EXT1: variants seen among roughly 807,000 people sequenced by gnomAD.
The protein encoded by EXT1 is exostosin-1.
In EXT1, 20 loss-of-function variants were observed where a neutral mutation model predicts 82.5. That is an observed-to-expected ratio of 0.24 (90% CI 0.17 to 0.35). EXT1 has a LOEUF of 0.35. Ranked by LOEUF, EXT1 falls within the 10% of genes least tolerant of loss-of-function variation. The probability of loss-of-function intolerance (pLI) is 1.00; values close to 1 mark genes in which losing one functional copy is unlikely to be tolerated. For synonymous variants in EXT1, 348 were observed against 350.8 expected (o/e 0.99, Z 0.09); for missense variants, 757 against 936.5 (o/e 0.81, Z 2.50).
intron 1 of EXT1, among the ~76,000 whole-genome samples, chr8:117,934,371 G>A (rs761096321): frequency 6.6e-6 from 1 of 152,204 alleles, no homozygotes; most frequent in South Asian, 2.1e-4. Flanking sequence ...GGAAGCAGGC[G>A]CAGTCCATGC....
intron 1 of EXT1, among the ~76,000 whole-genome samples, chr8:117,946,997 G>A (rs935531943): frequency 6.6e-6 from 1 of 152,106 alleles, no homozygotes; most frequent in East Asian, 1.9e-4. Context: ...TGGGTTACCC[G>A]AGCCAAGAAT....
chr8:117,943,999 C>G (rs1814337219), intron 1 of EXT1, among the ~76,000 whole-genome samples: 1 of 152,216 alleles, frequency 6.6e-6, no homozygotes, highest in Non-Finnish European at 1.5e-5. Context: ...TTTCAACTAC[C>G]TTTCTCAGAA....
In EXT1 at chr8:118,002,534, T is replaced by C. The variant is rs868823040; in HGVS notation, c.962+107551A>G. Among the ~76,000 whole-genome samples, 171 of 89,042 alleles carry C rather than the reference T, an allele frequency of 1.9e-3. 1 individual carries two copies. The highest frequency in any genetic ancestry group is 8.7e-3 in the African/African-American group (159 of 18,290). The allele number at this position is 89,042 out of a possible 152,430, so 58.4% of individuals were successfully genotyped here. Reference sequence around the variant, plus strand: ...AAACAGTGTGAATATTTTTCTTTTTTTTTTTTTTTTTTTTTGAGACAGAGT... The same window carrying C: ...AAACAGTGTGAATATTTTTCTTTTTCTTTTTTTTTTTTTTTGAGACAGAGT... On this transcript the variant is annotated intron_variant, in intron 1 of 10. Coordinates refer to ENST00000378204, the MANE Select transcript of EXT1 (RefSeq NM_000127.3).
rs996734233 is a variant in EXT1 at position 117,930,279 on chromosome 8, G to T, written c.963-93078C>A. Among the ~76,000 whole-genome samples, 18 of 152,242 alleles carry T rather than the reference G, an allele frequency of 1.2e-4. No individual in the cohort carries two copies. In the East Asian group the frequency reaches 3.5e-3, roughly 29 times the overall value. On this transcript the variant is annotated intron_variant, in intron 1 of 10. Coordinates refer to ENST00000378204, the MANE Select transcript of EXT1 (RefSeq NM_000127.3). ...AAGAGGAAGAAATGAAGTACCAAAT[G>T]AAATGTGGGGAGCGGAAGGGTGGAG...
chr8:117,814,547 A>G (rs1811762033), intron 7 of EXT1, among the ~76,000 whole-genome samples: 1 of 151,988 alleles, frequency 6.6e-6, no homozygotes, highest in Non-Finnish European at 1.5e-5. Flanking sequence ...CGGACCCAGG[A>G]TTTTCCCCCA....
Position 118,046,491 on chromosome 8 carries a change from G to C in EXT1, c.962+63594C>G, listed in dbSNP as rs1816625300. ...AGTCCTGGAGACCAGGAGGGCTCAA[G>C]CACTGGCCAGAGTTCTGTGGGTAGG... On this transcript the variant is annotated intron_variant, in intron 1 of 10. Coordinates refer to ENST00000378204, the MANE Select transcript of EXT1 (RefSeq NM_000127.3). Among the ~76,000 whole-genome samples the C allele has an allele frequency of 2.0e-5, 3 of 152,182 alleles. No homozygotes were observed. The South Asian group carries it at 6.2e-4, about 32-fold the overall frequency.
chr8:118,047,419 T>C (rs1816639806), intron 1 of EXT1, among the ~76,000 whole-genome samples: 1 of 152,134 alleles, frequency 6.6e-6, no homozygotes. Context: ...TAAATAAGGA[T>C]ACATCAAAGT....
intron 1 of EXT1, among the ~76,000 whole-genome samples, chr8:118,054,460 CT>C (rs1342521931): frequency 6.6e-6 from 1 of 152,238 alleles, no homozygotes; most frequent in Non-Finnish European, 1.5e-5. Context: ...CTCCTGGAAT[CT>C]GAACTTCCAG....
chr8:118,054,543 C>G (rs933341027), intron 1 of EXT1, among the ~76,000 whole-genome samples: 1 of 152,146 alleles, frequency 6.6e-6, no homozygotes, highest in South Asian at 2.1e-4. Flanking sequence ...TTTGGCCAAG[C>G]ATTTGATACA....
rs1350355119 is a variant in EXT1 at position 117,830,273 on chromosome 8, G to A, written c.1241C>T (p.Ala414Val). The change falls in exon 4 of 11, where the codon GCT (alanine) becomes GTT (valine). Residue 414 changes from alanine to valine, a missense_variant. Ala to Val is a moderately conservative substitution (Grantham distance 64). Transcript: ENST00000378204. ...LRQQTQFLWEAYFSSVEKIVL... is the reference protein window; with the variant it reads ...LRQQTQFLWEVYFSSVEKIVL... ...AATCTTCTCAACTGAAGAAAAATAAGCCTCCCACAAGAATTGTGTCTGCTG... is the reference window on the plus strand; with the variant it reads ...AATCTTCTCAACTGAAGAAAAATAAACCTCCCACAAGAATTGTGTCTGCTG... 2 of 1,613,878 alleles carry A rather than the reference G, an allele frequency of 1.2e-6. No homozygotes were observed. Among genetic ancestry groups the A allele is most frequent in the Non-Finnish European group, 1.7e-6 (2 of 1,179,974 alleles).
chr8:117,991,326 G>A (rs1010508439), intron 1 of EXT1, among the ~76,000 whole-genome samples: 5 of 152,250 alleles, frequency 3.3e-5, no homozygotes, highest in African/African-American at 1.2e-4. Context: ...TCTGCAAGCA[G>A]TTGTGGTTTT....
At chr8:118,000,297 A>G (rs1247865594) in intron 1 of EXT1, among the ~76,000 whole-genome samples, 1 of 152,260 alleles carries the variant, frequency 6.6e-6, no homozygotes, top group Non-Finnish European at 1.5e-5. Context: ...AAACATGCAG[A>G]TATCTACAGA....
At chr8:117,864,576 C>T (rs181588633) in intron 1 of EXT1, among the ~76,000 whole-genome samples, 1 of 152,120 alleles carries the variant, frequency 6.6e-6, no homozygotes, top group East Asian at 1.9e-4. Flanking sequence ...GGTGAAACCC[C>T]GTCTCTACTA....
chr8:117,861,054 C>A (rs911017607), intron 1 of EXT1, among the ~76,000 whole-genome samples: 1 of 152,136 alleles, frequency 6.6e-6, no homozygotes, highest in Admixed American at 6.5e-5. Flanking sequence ...AGCTTATTTC[C>A]AAATCATCTG....
At chr8:118,045,767 G>A (rs1295704133) in intron 1 of EXT1, among the ~76,000 whole-genome samples, 2 of 151,096 alleles carry the variant, frequency 1.3e-5, no homozygotes, top group African/African-American at 2.4e-5. Context: ...TAAGGGTCCC[G>A]GGCTCTCTGG....
In EXT1 at chr8:117,894,363, T is replaced by C. The variant is rs978241753; in HGVS notation, c.963-57162A>G. 1.5e-4 allele frequency among the ~76,000 whole-genome samples: 23 copies of C among 152,214 alleles called. 1 individual carries two copies. Among genetic ancestry groups the C allele is most frequent in the Middle Eastern group, 3.4e-3 (1 of 294 alleles). The stretch of plus-strand genomic sequence containing the variant: ...GCAGAGTAAATACCCCTTGGAATAT[T>C]TCCCTCCATGCTGGTCCTGTTGGTG... On this transcript the variant is annotated intron_variant, in intron 1 of 10. Coordinates refer to ENST00000378204, the MANE Select transcript of EXT1 (RefSeq NM_000127.3).
intron 1 of EXT1, among the ~76,000 whole-genome samples, chr8:117,856,513 A>C (rs1319148882): frequency 1.5e-5 from 2 of 136,604 alleles, no homozygotes; most frequent in African/African-American, 5.6e-5. Context: ...TGATCCGCCC[A>C]CCTCGGCCGC....
intron 1 of EXT1, among the ~76,000 whole-genome samples, chr8:117,975,905 G>C (rs557989039): frequency 6.6e-6 from 1 of 152,296 alleles, no homozygotes; most frequent in African/African-American, 2.4e-5. Context: ...GATTGTGATA[G>C]TGTTGACCCT....
At chr8:117,980,909 C>T (rs890224883) in intron 1 of EXT1, among the ~76,000 whole-genome samples, 12 of 152,012 alleles carry the variant, frequency 7.9e-5, no homozygotes, top group East Asian at 1.9e-4. Context: ...AGCGTGAGCA[C>T]GGCAGGGCAG....
Sources: gnomAD v4.1 joint callset for allele counts (sites outside exome capture counted in the v4.1 genomes callset) on GRCh38, gnomAD v4.1.1 for gene constraint, MANE v1.5 for transcripts, NCBI Gene and HGNC (gene_info 2026-07-23, HGNC 2026-07-21) for gene names.